The following COL19A1 variants were observed in gnomAD, a reference collection of about 807,000 sequenced individuals.
COL19A1 encodes collagen type XIX alpha 1 chain, also known as collagen alpha-1(XIX) chain.
Under a neutral mutation model 190.2 loss-of-function variants are expected in COL19A1, and 159 were observed. The ratio of observed to expected loss-of-function variants is 0.84; its 90% CI spans 0.73 to 0.95. The LOEUF (loss-of-function observed/expected upper bound fraction) is 0.95. Among genes scored for constraint, COL19A1 ranks in the 40% least tolerant of loss-of-function variants. The probability of loss-of-function intolerance (pLI) is 0.00; values close to 1 mark genes in which losing one functional copy is unlikely to be tolerated. For synonymous variants in COL19A1, 509 were observed against 458.9 expected, an observed-to-expected ratio of 1.11 and a Z score of -1.39; for missense variants, 1,418 against 1,431.9, an observed-to-expected ratio of 0.99 and a Z score of 0.16.
chr6:70,004,599 T>G (rs1449284364), intron 11 of COL19A1, among the ~76,000 whole-genome samples: 1 of 152,174 alleles, frequency 6.6e-6, no homozygotes, highest in Non-Finnish European at 1.5e-5. Context: ...TAATCTTATC[T>G]GCATGCCTTA....
intron 48 of COL19A1, among the ~76,000 whole-genome samples, chr6:70,193,462 C>T (rs1248071519): frequency 1.3e-5 from 2 of 152,152 alleles, no homozygotes; most frequent in African/African-American, 4.8e-5. Flanking sequence ...TGGAAGCTGA[C>T]AGGTGCAGAG....
intron 47 of COL19A1, among the ~76,000 whole-genome samples, 164 bp downstream of exon 47, chr6:70,188,409 A>C (rs1198241272): frequency 1.3e-5 from 2 of 152,256 alleles, no homozygotes; most frequent in Non-Finnish European, 2.9e-5. Context: ...CAGATCCTCT[A>C]CTAAGCACTT....
chr6:70,144,037 C>T (rs551822450), intron 23 of COL19A1, among the ~76,000 whole-genome samples, 173 bp from the exon 24 acceptor site: 11 of 152,190 alleles, frequency 7.2e-5, no homozygotes, highest in African/African-American at 2.4e-4. Context: ...CAACAAACCA[C>T]GTAGAATCAC....
At chr6:70,021,933 A>G (rs564081310) in intron 11 of COL19A1, among the ~76,000 whole-genome samples, 2 of 151,990 alleles carry the variant, frequency 1.3e-5, no homozygotes, top group African/African-American at 4.8e-5. Context: ...ACCTATTTTT[A>G]CTGGTTGTGT....
At chr6:69,920,417 A>G (rs1350809605) in intron 4 of COL19A1, among the ~76,000 whole-genome samples, 2 of 152,186 alleles carry the variant, frequency 1.3e-5, no homozygotes, top group Non-Finnish European at 2.9e-5. Flanking sequence ...ATATTTCTGC[A>G]ACATTGAAGT....
intron 35 of COL19A1, among the ~76,000 whole-genome samples, chr6:70,162,619 T>C (rs962995369): frequency 2.0e-5 from 3 of 152,166 alleles, no homozygotes; most frequent in South Asian, 2.1e-4. Flanking sequence ...AAATATTGTG[T>C]TTTTATTTGC....
intron 18 of COL19A1, among the ~76,000 whole-genome samples, chr6:70,137,376 C>A (rs1785937445): frequency 6.6e-6 from 1 of 152,104 alleles, no homozygotes; most frequent in African/African-American, 2.4e-5. Flanking sequence ...CACACCAGAA[C>A]AAAATTATAA....
At chr6:70,086,875 A>G (rs1782622030) in intron 15 of COL19A1, among the ~76,000 whole-genome samples, 1 of 152,204 alleles carries the variant, frequency 6.6e-6, no homozygotes, top group South Asian at 2.1e-4. Context: ...ACAAGAACAA[A>G]TATTTATTGA....
chr6:70,018,227 A>T (rs1281414564), intron 11 of COL19A1, among the ~76,000 whole-genome samples: 1 of 152,150 alleles, frequency 6.6e-6, no homozygotes, highest in Non-Finnish European at 1.5e-5. Context: ...TGGTTTTAAA[A>T]TAAGTGAATT....
intron 9 of COL19A1, among the ~76,000 whole-genome samples, chr6:69,940,758 A>G (rs1475176665): frequency 6.6e-6 from 1 of 152,106 alleles, no homozygotes; most frequent in Non-Finnish European, 1.5e-5. Flanking sequence ...CATTTGCTTA[A>G]ACCAACATAT....
intron 12 of COL19A1, among the ~76,000 whole-genome samples, chr6:70,027,254 T>C (rs1778777172): frequency 6.6e-6 from 1 of 152,192 alleles, no homozygotes. Flanking sequence ...GTGTATTATA[T>C]ATGTATCTTA....
intron 16 of COL19A1, among the ~76,000 whole-genome samples, chr6:70,111,648 G>C (rs1198037717): frequency 2.0e-5 from 3 of 152,060 alleles, no homozygotes; most frequent in East Asian, 3.9e-4. Context: ...CTTCTCCTTT[G>C]ACTGAAATCC....
chr6:69,955,377 A>G (rs1350283170), intron 9 of COL19A1, among the ~76,000 whole-genome samples: 1 of 152,116 alleles, frequency 6.6e-6, no homozygotes, highest in African/African-American at 2.4e-5. Flanking sequence ...AATTAATTTG[A>G]AAAAGGATTG....
At chr6:69,931,060 C>G (rs1772730030) in intron 6 of COL19A1, among the ~76,000 whole-genome samples, 1 of 152,110 alleles carries the variant, frequency 6.6e-6, no homozygotes, top group African/African-American at 2.4e-5. Context: ...TCTACTGAAA[C>G]TTTGAATGGA....
chr6:69,930,693 C>G (rs1772702294), intron 6 of COL19A1, among the ~76,000 whole-genome samples: 1 of 152,116 alleles, frequency 6.6e-6, no homozygotes, highest in Non-Finnish European at 1.5e-5. Context: ...TGGCACACGC[C>G]TGTAATCCCA....
intron 14 of COL19A1, among the ~76,000 whole-genome samples, chr6:70,054,462 C>A (rs576485837): frequency 6.6e-6 from 1 of 152,298 alleles, no homozygotes; most frequent in African/African-American, 2.4e-5. Context: ...ACAGTAATGA[C>A]AACTTATCAT....
intron 17 of COL19A1, 44 bp downstream of exon 17, chr6:70,121,986 T>C (rs974078538): frequency 1.6e-6 from 2 of 1,273,432 alleles, no homozygotes; most frequent in African/African-American, 3.1e-5. Context: ...ATAGAAATTT[T>C]ATATGATTGT....
intron 1 of COL19A1, among the ~76,000 whole-genome samples, chr6:69,877,664 A>G (rs992669947): frequency 2.6e-5 from 4 of 152,176 alleles, no homozygotes; most frequent in African/African-American, 9.6e-5. Context: ...TTTTAATAAT[A>G]TGAATCATTG....
chr6:70,017,873 G>A (rs1319551390), intron 11 of COL19A1, among the ~76,000 whole-genome samples: 2 of 152,094 alleles, frequency 1.3e-5, no homozygotes, highest in Non-Finnish European at 2.9e-5. Context: ...AGTTTTTGAG[G>A]ACCAAATAAG....
Sources: gnomAD v4.1 joint callset for allele counts (sites outside exome capture counted in the v4.1 genomes callset) on GRCh38, gnomAD v4.1.1 for gene constraint, MANE v1.5 for transcripts, NCBI Gene and HGNC (gene_info 2026-07-23, HGNC 2026-07-21) for gene names.